ABCC1: variants seen among roughly 807,000 people sequenced by gnomAD.
The protein encoded by ABCC1 is ATP binding cassette subfamily C member 1 (ABCC1 blood group), also known as multidrug resistance-associated protein 1.
In ABCC1, 83 loss-of-function variants were observed where a neutral mutation model predicts 172.9. That is an observed-to-expected ratio of 0.48 (90% CI 0.40 to 0.58). The LOEUF (loss-of-function observed/expected upper bound fraction) is 0.58, where lower values mean the gene tolerates loss of function less well. Ranked by LOEUF, ABCC1 falls within the 20% of genes least tolerant of loss-of-function variation. The probability of loss-of-function intolerance (pLI) is 0.00; values close to 1 mark genes in which losing one functional copy is unlikely to be tolerated. For synonymous variants in ABCC1, 937 were observed against 825.2 expected (o/e 1.14, Z -2.32); for missense variants, 1,817 against 2,002.7 (o/e 0.91, Z 1.77).
intron 28 of ABCC1, among the ~76,000 whole-genome samples, chr16:16,136,014 T>G (rs1255599920): frequency 3.9e-4 from 2 of 5,086 alleles, no homozygotes; most frequent in South Asian, 0.015. Flanking sequence ...CTTTCCAGAC[T>G]TTTTTTTTTT....
chr16:15,986,624 C>A (rs1164821476), intron 1 of ABCC1, among the ~76,000 whole-genome samples: 1 of 152,216 alleles, frequency 6.6e-6, no homozygotes, highest in Non-Finnish European at 1.5e-5. Flanking sequence ...AACTGTCTTC[C>A]ATGAAATCCA....
At position 16,140,047 on chromosome 16, in the gene ABCC1, G is replaced by A. The variant is rs548798008; in HGVS notation, c.4488-1126G>A. Among the ~76,000 whole-genome samples the A allele has an allele frequency of 9.2e-5, 14 of 152,352 alleles. No homozygotes were observed. In the South Asian group the frequency reaches 2.9e-3, roughly 32 times the overall value. The stretch of plus-strand genomic sequence containing the variant: ...ACTTTATTCATAAAAACAGGCAAGG[G>A]GTCAGATTTGGCCTGCAGGCCACAG... On this transcript the variant is annotated intron_variant, in intron 30 of 30. Coordinates refer to ENST00000399410, the MANE Select transcript of ABCC1 (RefSeq NM_004996.4).
In ABCC1 at chr16:16,134,347, C is replaced by T; in HGVS notation, c.3967-3C>T. ...ACCACACCTGGGCCCTTCTGTCCTG[C>T]AGGTCGGCATCGTGGGGCGGACGGG... On this transcript the variant is annotated splice_polypyrimidine_tract_variant and splice_region_variant and intron_variant, in intron 27 of 30. Coordinates refer to ENST00000399410, the MANE Select transcript of ABCC1 (RefSeq NM_004996.4). 6.2e-7 allele frequency: 1 copy of T among 1,614,064 alleles called. No homozygotes were observed. Among genetic ancestry groups the T allele is most frequent in the East Asian group, 2.2e-5 (1 of 44,860 alleles).
chr16:16,036,361 G>A, intron 6 of ABCC1, 111 bp from the exon 7 acceptor site: 3 of 1,014,756 alleles, frequency 3.0e-6, no homozygotes, highest in Non-Finnish European at 4.3e-6. Flanking sequence ...GCGGGCAGCT[G>A]TGCTGCAGAG....
chr16:16,096,823 A>G (rs2051501100), intron 19 of ABCC1, among the ~76,000 whole-genome samples: 1 of 152,130 alleles, frequency 6.6e-6, no homozygotes, highest in African/African-American at 2.4e-5. Context: ...AAGGGTAGAA[A>G]CAGCACCTGG....
chr16:16,087,071 C>CT, intron 18 of ABCC1, 80 bp downstream of exon 18: 1 of 1,461,086 alleles, frequency 6.8e-7, no homozygotes, highest in Non-Finnish European at 9.3e-7. Flanking sequence ...TTTAGGAGTC[C>CT]TTTACTTTCT....
intron 8 of ABCC1, among the ~76,000 whole-genome samples, chr16:16,044,887 C>T (rs893295148): frequency 7.9e-5 from 12 of 151,992 alleles, no homozygotes; most frequent in South Asian, 2.1e-4. Flanking sequence ...TGACTTCAAG[C>T]GATCCTCCTG....
At chr16:16,009,709 T>C (rs1033069762) in intron 2 of ABCC1, 67 bp from the exon 3 acceptor site, 14 of 1,479,066 alleles carry the variant, frequency 9.5e-6, no homozygotes, top group Non-Finnish European at 1.3e-5. Flanking sequence ...GGCTGAGCTG[T>C]TCGTGCAGGC....
At chr16:16,083,303 G>A in intron 16 of ABCC1, 63 bp from the exon 17 acceptor site, 1 of 1,543,144 alleles carries the variant, frequency 6.5e-7, no homozygotes, top group Non-Finnish European at 8.9e-7. Context: ...TGGGCCAGCT[G>A]TTGTCTCGTT....
intron 9 of ABCC1, among the ~76,000 whole-genome samples, chr16:16,047,636 G>A (rs149434724): frequency 9.5e-4 from 145 of 152,208 alleles, no homozygotes; most frequent in Non-Finnish European, 1.7e-3. Context: ...CTCCTACAGT[G>A]CGCAGGACAG....
At chr16:15,999,294 T>A (rs1192646335) in intron 1 of ABCC1, among the ~76,000 whole-genome samples, 5 of 152,064 alleles carry the variant, frequency 3.3e-5, no homozygotes, top group Non-Finnish European at 7.4e-5. Flanking sequence ...CGTGAGCCAC[T>A]GTGCCCAGCC....
At chr16:16,103,393 A>C (rs1002270164) in intron 20 of ABCC1, among the ~76,000 whole-genome samples, 1 of 152,018 alleles carries the variant, frequency 6.6e-6, no homozygotes, top group Non-Finnish European at 1.5e-5. Context: ...CAGCCTGGCC[A>C]ACATGATGAA....
intron 1 of ABCC1, among the ~76,000 whole-genome samples, chr16:15,985,841 G>T (rs1053512233): frequency 1.3e-5 from 2 of 152,046 alleles, no homozygotes; most frequent in Admixed American, 1.3e-4. Context: ...CAAAATGTAC[G>T]GCTGGTGTTC....
chr16:16,098,431 C>T (rs1333296449), intron 19 of ABCC1: 1 of 241,648 alleles, frequency 4.1e-6, no homozygotes, highest in Non-Finnish European at 8.4e-6. Flanking sequence ...CCAGCCTGGC[C>T]AACATGGCAA....
At chr16:16,092,816 C>G (rs1168028425) in intron 19 of ABCC1, among the ~76,000 whole-genome samples, 1 of 152,166 alleles carries the variant, frequency 6.6e-6, no homozygotes, top group Admixed American at 6.5e-5. Context: ...ATGGTGAAAC[C>G]TCGTCTCTAC....
chr16:16,043,172 A>T lies in ABCC1; in HGVS notation c.810-1278A>T, dbSNP rs182009098. Among the ~76,000 whole-genome samples the T allele has an allele frequency of 8.9e-3, 1,229 of 138,328 alleles. 37 individuals are homozygous for T. The highest frequency in any genetic ancestry group is 0.07 in the Admixed American group (982 of 14,056). 90.7% of individuals were successfully genotyped at this position (138,328 alleles called of 152,430 possible). ...ACCACTGCACCCAGTCAAAAAAAAA[A>T]TTTTTTTTTAGAAATAGGGTCTTGC... is the stretch of plus-strand genomic sequence containing the variant. On this transcript the variant is annotated intron_variant, in intron 7 of 30. Transcript: ENST00000399410.
At chr16:16,118,957 A>G (rs1201307314) in intron 23 of ABCC1, among the ~76,000 whole-genome samples, 1 of 152,034 alleles carries the variant, frequency 6.6e-6, no homozygotes, top group African/African-American at 2.4e-5. Flanking sequence ...ATAATCGCCC[A>G]AACTGGAAAC....
intron 1 of ABCC1, among the ~76,000 whole-genome samples, chr16:15,966,481 A>G (rs1007787695): frequency 6.6e-6 from 1 of 151,338 alleles, no homozygotes; most frequent in Non-Finnish European, 1.5e-5. Flanking sequence ...ACCCGTGGCC[A>G]GGAAGAAAAT....
chr16:16,037,446 A>T (rs1218056214), intron 7 of ABCC1, among the ~76,000 whole-genome samples: 1 of 152,142 alleles, frequency 6.6e-6, no homozygotes, highest in Non-Finnish European at 1.5e-5. Flanking sequence ...CTGAGACACC[A>T]TTAGTTGCGT....
Sources: gnomAD v4.1 joint callset for allele counts (sites outside exome capture counted in the v4.1 genomes callset) on GRCh38, gnomAD v4.1.1 for gene constraint, MANE v1.5 for transcripts, NCBI Gene and HGNC (gene_info 2026-07-23, HGNC 2026-07-21) for gene names.